PIGZ: variants seen among roughly 807,000 people sequenced by gnomAD.
PIGZ encodes the protein phosphatidylinositol glycan anchor biosynthesis class Z (Gwada blood group), also known as GPI alpha-1,2-mannosyltransferase 4.
PIGZ carries 16 observed loss-of-function variants against 16.4 expected under a neutral mutation model. The observed-to-expected ratio is 0.97, with a 90% confidence interval of 0.66 to 1.48. The LOEUF is 1.48. Among genes scored for constraint, PIGZ ranks in the 40% most tolerant of loss-of-function variants. PIGZ has a pLI of 0.00. For synonymous variants in PIGZ, 409 were observed against 338.4 expected (o/e 1.21, Z -2.29); for missense variants, 770 against 739.2 (o/e 1.04, Z -0.48).
At chr3:196,968,201 G>A (rs1560193595) in intron 1 of PIGZ, among the ~76,000 whole-genome samples, 2 of 152,190 alleles carry the variant, frequency 1.3e-5, no homozygotes, top group Admixed American at 1.3e-4. Flanking sequence ...CCGAAGTGCA[G>A]CCCCCGAGGC....
At position 196,948,632 on chromosome 3, in the gene PIGZ, A is replaced by T; in HGVS notation, c.265T>A (p.Ser89Thr). The T allele has an allele frequency of 6.7e-7, 1 of 1,495,166 alleles. No individual in the cohort carries two copies. Among genetic ancestry groups the T allele is most frequent in the Non-Finnish European group, 8.9e-7 (1 of 1,126,082 alleles). The allele number at this position is 1,495,166 out of a possible 1,614,324, so 92.6% of individuals were successfully genotyped here. A position where few individuals can be genotyped will look rare whatever the true frequency, so the allele number is the denominator to read the frequency against. ...ARPWEFYPSSSCRSVLFPLLI... is the reference protein window; with the variant it reads ...ARPWEFYPSSTCRSVLFPLLI... ...AGGGGGAAGAGCACCGAGCGGCAGG[A>T]GCTGCTGGGGTAAAACTCCCAGGGC... is the stretch of plus-strand genomic sequence containing the variant. Residue 89 changes from serine to threonine, a missense_variant, in exon 3 of 3, where the codon TCC becomes ACC. Ser to Thr is a moderately conservative substitution (Grantham distance 58). Transcript: ENST00000412723.
chr3:196,953,032 C>T (rs1260458036), intron 1 of PIGZ, among the ~76,000 whole-genome samples: 4 of 152,152 alleles, frequency 2.6e-5, no homozygotes, highest in East Asian at 1.9e-4. Context: ...CTAAGGCTCC[C>T]GACTCAGACT....
rs1025633977 is a variant in PIGZ at position 196,950,409 on chromosome 3, C to T, written c.211+1412G>A. On this transcript the variant is annotated intron_variant, in intron 2 of 2. Transcript: ENST00000412723. ...CCCAGAGCTCTGAGGGGTGGGGGCG[C>T]GGGAGCAGCTCCACTCCAAGCCTCA... 7.9e-5 allele frequency among the ~76,000 whole-genome samples: 12 copies of T among 152,234 alleles called. No homozygotes were observed. The East Asian group carries it at 9.6e-4, about 12-fold the overall frequency.
intron 1 of PIGZ, among the ~76,000 whole-genome samples, chr3:196,952,768 AT>A (rs560494802): frequency 5.9e-5 from 9 of 152,276 alleles, no homozygotes; most frequent in Non-Finnish European, 1.0e-4. Flanking sequence ...GACTAAGAAG[AT>A]CAGCTGCACC....
At chr3:196,964,224 C>A (rs1057348358) in intron 1 of PIGZ, among the ~76,000 whole-genome samples, 1 of 151,668 alleles carries the variant, frequency 6.6e-6, no homozygotes, top group African/African-American at 2.4e-5. Context: ...TAATTTTTTG[C>A]ATTTTTAGTA....
At chr3:196,963,888 T>A (rs1407301668) in intron 1 of PIGZ, among the ~76,000 whole-genome samples, 2 of 152,180 alleles carry the variant, frequency 1.3e-5, no homozygotes, top group African/African-American at 4.8e-5. Flanking sequence ...TATACACTCT[T>A]TTGGATCATC....
In PIGZ at chr3:196,947,318, TG is replaced by T. The variant is rs1325287072; in HGVS notation, c.1578del (p.Thr527ProfsTer22). ...CTGCACTTCTCCACGGCACGCCTGG[TG>T]GTGCCAGGGGTTACCACAAAGAGGC... is the stretch of plus-strand genomic sequence containing the variant. ...LCRLFVVTPG[T>X]TRRAVEKCSF... On this transcript the variant is annotated frameshift_variant, in exon 3 of 3. Coordinates refer to ENST00000412723, the MANE Select transcript of PIGZ (RefSeq NM_025163.4). LOFTEE classifies it high-confidence loss of function. The T allele has an allele frequency of 3.1e-6, 5 of 1,614,142 alleles. No homozygotes were observed. Among genetic ancestry groups the T allele is most frequent in the Non-Finnish European group, 4.2e-6 (5 of 1,180,004 alleles).
intron 1 of PIGZ, among the ~76,000 whole-genome samples, chr3:196,958,635 C>CA (rs1717593473): frequency 1.3e-5 from 2 of 152,112 alleles, no homozygotes; most frequent in South Asian, 2.1e-4. Context: ...TCGTCAAAAA[C>CA]AAAAAACAAC....
intron 1 of PIGZ, among the ~76,000 whole-genome samples, 165 bp downstream of exon 1, chr3:196,968,522 C>A (rs1718029976): frequency 1.3e-5 from 2 of 152,342 alleles, no homozygotes; most frequent in African/African-American, 4.8e-5. Flanking sequence ...GGGACAGGTG[C>A]CTGCGAGAAT....
At chr3:196,962,911 G>C (rs1234580222) in intron 1 of PIGZ, among the ~76,000 whole-genome samples, 1 of 152,176 alleles carries the variant, frequency 6.6e-6, no homozygotes, top group Non-Finnish European at 1.5e-5. Flanking sequence ...GCCGGTGCAG[G>C]TCCTCACTTG....
chr3:196,951,736 G>A (rs1287900826), intron 2 of PIGZ, 85 bp downstream of exon 2: 22 of 1,312,086 alleles, frequency 1.7e-5, no homozygotes, highest in East Asian at 2.5e-5. Flanking sequence ...ACCCAGACAT[G>A]CTACTCCCTC....
chr3:196,947,301 C>A lies in PIGZ; in HGVS notation c.1596G>T (p.Glu532Asp). ...VTPGTTRRAV[E>D]KCSFPFKNET... ...CATTCTTGAAGGGGAAGCTGCACTT[C>A]TCCACGGCACGCCTGGTGGTGCCAG... Residue 532 changes from glutamate to aspartate, a missense_variant, in exon 3 of 3, where the codon GAG becomes GAT. By Grantham distance (45) the Glu-to-Asp change is conservative (BLOSUM62 2). Coordinates refer to ENST00000412723, the MANE Select transcript of PIGZ (RefSeq NM_025163.4). 6.2e-7 allele frequency: 1 copy of A among 1,614,182 alleles called. No individual in the cohort carries two copies. The highest frequency in any genetic ancestry group is 1.1e-5 in the South Asian group (1 of 91,070).
In PIGZ at chr3:196,948,222, GAAGAAGCCAGCAGCCACAATGCCTCC is replaced by G. The variant is rs781357694; in HGVS notation, c.649_674del (p.Gly217GlnfsTer160). On this transcript the variant is annotated frameshift_variant, in exon 3 of 3. Coordinates refer to ENST00000412723, the MANE Select transcript of PIGZ (RefSeq NM_025163.4). LOFTEE classifies it low-confidence loss of function (END_TRUNC). ...CAAAGGCCAGAAAGGTGGGCCGGTT[GAAGAAGCCAGCAGCCACAATGCCTCC>G]AAGAAGCCAGCTGCGCCACCGTGGA... The G allele has an allele frequency of 9.3e-6, 15 of 1,614,204 alleles. No homozygotes were observed. In the South Asian group the frequency reaches 1.2e-4, roughly 13 times the overall value.
intron 1 of PIGZ, among the ~76,000 whole-genome samples, chr3:196,968,129 G>A (rs947836210): frequency 2.0e-5 from 3 of 152,142 alleles, no homozygotes; most frequent in Non-Finnish European, 4.4e-5. Context: ...TGCTTTTTGC[G>A]CGCCCCCATG....
rs533210445 is a variant in PIGZ, at chr3:196,965,779, G to A, written c.-1+2908C>T. 5.3e-5 allele frequency among the ~76,000 whole-genome samples: 8 copies of A among 152,272 alleles called. No individual in the cohort carries two copies. In the East Asian group the frequency reaches 1.4e-3, roughly 26 times the overall value. ...AGCCCCCTCCTTTGTTAACCAGTGT[G>A]TCATATAACAGCAATCATTTTCTGT... On this transcript the variant is annotated intron_variant, in intron 1 of 2. Coordinates refer to ENST00000412723, the MANE Select transcript of PIGZ (RefSeq NM_025163.4). The surrounding 1 kb of genome is among the most constrained non-coding windows in gnomAD (Gnocchi z 4.2).
chr3:196,955,175 C>T (rs1717429381), intron 1 of PIGZ, among the ~76,000 whole-genome samples: 1 of 152,196 alleles, frequency 6.6e-6, no homozygotes, highest in Non-Finnish European at 1.5e-5. Context: ...ATCCTCCCAC[C>T]TTGGCCTCCC....
At chr3:196,964,504 C>A (rs1489649011) in intron 1 of PIGZ, among the ~76,000 whole-genome samples, 1 of 151,976 alleles carries the variant, frequency 6.6e-6, no homozygotes, top group Non-Finnish European at 1.5e-5. Context: ...ACTACAGGCA[C>A]GCATCACCAC....
intron 2 of PIGZ, among the ~76,000 whole-genome samples, chr3:196,949,320 C>G (rs1560182038): frequency 6.6e-6 from 1 of 152,028 alleles, no homozygotes; most frequent in Non-Finnish European, 1.5e-5. Flanking sequence ...GACCTAATCA[C>G]AACAATCTTT....
intron 1 of PIGZ, among the ~76,000 whole-genome samples, chr3:196,959,748 C>T (rs972054857): frequency 5.3e-5 from 8 of 152,168 alleles, no homozygotes; most frequent in South Asian, 2.1e-4. Flanking sequence ...TTGGCTTCCG[C>T]GTTGTCAAAA....
Sources: allele counts gnomAD v4.1 joint callset (sites outside exome capture counted in the v4.1 genomes callset), GRCh38; gene constraint gnomAD v4.1.1; non-coding constraint Gnocchi (gnomAD v3.1); transcripts MANE v1.5; gene names NCBI Gene and HGNC (gene_info 2026-07-23, HGNC 2026-07-21).